WNT9B: variants seen among roughly 807,000 people sequenced by gnomAD.
WNT9B encodes the protein protein Wnt-9b.
In WNT9B, 12 loss-of-function variants were observed where a neutral mutation model predicts 30.2. The observed-to-expected ratio is 0.40, with a 90% confidence interval of 0.26 to 0.64. The LOEUF (loss-of-function observed/expected upper bound fraction) is 0.64, where lower values mean the gene tolerates loss of function less well. Among genes scored for constraint, WNT9B ranks in the 30% least tolerant of loss-of-function variants. WNT9B has a pLI of 0.42. For missense variants in WNT9B, 442 were observed against 485.2 expected, an observed-to-expected ratio of 0.91 and a Z score of 0.84; for synonymous variants, 218 against 216.9, an observed-to-expected ratio of 1.01 and a Z score of -0.05.
At position 46,876,761 on chromosome 17, in the gene WNT9B, T is replaced by C. The variant is rs1435336520; in HGVS notation, c.*43T>C. 3.3e-6 allele frequency: 5 copies of C among 1,498,784 alleles called. No homozygotes were observed. Among genetic ancestry groups the C allele is most frequent in the Admixed American group, 2.3e-5 (1 of 43,490 alleles). 92.8% of individuals were successfully genotyped at this position (1,498,784 alleles called of 1,614,324 possible). On this transcript the variant is annotated 3_prime_UTR_variant, in exon 4 of 4. Transcript: ENST00000290015. ...CCAGTCTGGCACTGCCAGGACCTCCTGTGGCACCCTTCAAGCTGCCCAGCC... is the reference window on the plus strand; with the variant it reads ...CCAGTCTGGCACTGCCAGGACCTCCCGTGGCACCCTTCAAGCTGCCCAGCC...
intron 1 of WNT9B, among the ~76,000 whole-genome samples, chr17:46,836,095 CGTGTGTGTGTGTGTGT>C (rs59862934): frequency 7.9e-6 from 1 of 126,434 alleles, no homozygotes; most frequent in Non-Finnish European, 1.6e-5. Flanking sequence ...GAGACGCTGA[CGTGTGTGTGTGTGTGT>C]GTGTGTGTGT....
intron 1 of WNT9B, among the ~76,000 whole-genome samples, chr17:46,863,352 A>G (rs964210293): frequency 3.3e-5 from 5 of 152,190 alleles, no homozygotes; most frequent in Admixed American, 2.0e-4. Flanking sequence ...GTGTCTGTAG[A>G]GCATCTGCTT....
chr17:46,847,219 C>T (rs1598832727), upstream of WNT9B, among the ~76,000 whole-genome samples: 3 of 152,204 alleles, frequency 2.0e-5, no homozygotes, highest in South Asian at 6.2e-4. Flanking sequence ...TGTGAGTTCC[C>T]TGGAGGGGAT....
chr17:46,858,114 G>C (rs773593369), intron 1 of WNT9B, among the ~76,000 whole-genome samples: 7 of 152,298 alleles, frequency 4.6e-5, no homozygotes, highest in East Asian at 1.9e-4. Context: ...ATTTGTAGTA[G>C]AGATAAGGTT....
At chr17:46,870,330 T>G (rs975198820) in intron 1 of WNT9B, among the ~76,000 whole-genome samples, 18 of 152,206 alleles carry the variant, frequency 1.2e-4, no homozygotes, top group African/African-American at 3.9e-4. Flanking sequence ...AGGCGTGGCC[T>G]CCTCAGCTGG....
upstream of WNT9B, among the ~76,000 whole-genome samples, chr17:46,847,874 G>A (rs550402649): frequency 7.2e-5 from 11 of 152,260 alleles, no homozygotes; most frequent in South Asian, 2.1e-4. Context: ...GGCAGGTGCC[G>A]GGAAGAGGAA....
In WNT9B at chr17:46,877,644, TCA is replaced by T. The variant is rs1474846826; in HGVS notation, c.*927_*928del. 6.6e-6 allele frequency among the ~76,000 whole-genome samples: 1 copy of T among 152,166 alleles called. No homozygotes were observed. The highest frequency in any genetic ancestry group is 1.5e-5 in the Non-Finnish European group (1 of 68,024). ...GGTGCCTGGCAGTGACGTGGCGAGC[TCA>T]GTTTCTCAGCTGGCTCTTGAGTGAG... On this transcript the variant is annotated 3_prime_UTR_variant, in exon 4 of 4. Coordinates refer to ENST00000290015, the MANE Select transcript of WNT9B (RefSeq NM_003396.3).
intron 1 of WNT9B, among the ~76,000 whole-genome samples, chr17:46,853,974 T>C (rs1205323468): frequency 6.6e-6 from 1 of 151,814 alleles, no homozygotes; most frequent in Non-Finnish European, 1.5e-5. Context: ...GAAAATGACA[T>C]GTGAGATGGT....
intron 1 of WNT9B, among the ~76,000 whole-genome samples, chr17:46,862,830 C>T (rs1020425457): frequency 3.3e-5 from 5 of 152,150 alleles, no homozygotes; most frequent in South Asian, 4.1e-4. Context: ...GTGATCCGCC[C>T]GCCTCGGCCT....
chr17:46,865,880 G>A (rs1292693937), intron 1 of WNT9B, among the ~76,000 whole-genome samples: 1 of 152,154 alleles, frequency 6.6e-6, no homozygotes, highest in African/African-American at 2.4e-5. Context: ...CCAAAGTGCT[G>A]GTACTACAGG....
chr17:46,865,739 G>A (rs901086852), intron 1 of WNT9B, among the ~76,000 whole-genome samples: 2 of 152,048 alleles, frequency 1.3e-5, no homozygotes, highest in Non-Finnish European at 2.9e-5. Flanking sequence ...GCCTGTAGCT[G>A]GAACCACAGG....
intron 1 of WNT9B, among the ~76,000 whole-genome samples, chr17:46,861,691 T>C (rs1404026865): frequency 6.6e-6 from 1 of 152,164 alleles, no homozygotes; most frequent in African/African-American, 2.4e-5. Context: ...ATTGGAGAGA[T>C]GAAGGCTGAA....
chr17:46,851,850 G>A lies in WNT9B; in HGVS notation c.77+135G>A, dbSNP rs1244858661. On this transcript the variant is annotated intron_variant, in intron 1 of 3. Coordinates refer to ENST00000290015, the MANE Select transcript of WNT9B (RefSeq NM_003396.3). The surrounding 1 kb of genome is among the most constrained non-coding windows in gnomAD (Gnocchi z 4.3). ...TCGAACTCAGACCCTAGCCCGGCGC[G>A]ACCCAACCCACTTCGCAGTCGGAGT... 4.8e-6 allele frequency: 2 copies of A among 413,280 alleles called. No individual in the cohort carries two copies. Among genetic ancestry groups the A allele is most frequent in the African/African-American group, 4.2e-5 (2 of 47,902 alleles). The allele number at this position is 413,280 out of a possible 1,614,324, so 25.6% of individuals were successfully genotyped here.
chr17:46,859,833 A>G (rs1170430770), intron 1 of WNT9B, among the ~76,000 whole-genome samples: 1 of 152,204 alleles, frequency 6.6e-6, no homozygotes, highest in Non-Finnish European at 1.5e-5. Flanking sequence ...CACAGGCCAT[A>G]TCTTTCTATT....
At chr17:46,864,000 A>G (rs2165846) in intron 1 of WNT9B, among the ~76,000 whole-genome samples, 77,435 of 152,056 alleles carry the variant, frequency 0.51, 21,075 homozygotes, top group East Asian at 0.88. Context: ...AGCATGGGAC[A>G]TCTCTGCCTA....
chr17:46,881,670 TCAATGC>T (rs1017344169), downstream of WNT9B, among the ~76,000 whole-genome samples: 9 of 152,140 alleles, frequency 5.9e-5, no homozygotes, highest in Non-Finnish European at 1.3e-4. Context: ...CTCCAGCTGC[TCAATGC>T]CACCATCTTC....
downstream of WNT9B, among the ~76,000 whole-genome samples, chr17:46,883,262 G>A (rs539960318): frequency 2.0e-5 from 3 of 150,988 alleles, no homozygotes; most frequent in Non-Finnish European, 2.9e-5. Context: ...GATTACAGGC[G>A]TGAGCTACTG....
intron 1 of WNT9B, among the ~76,000 whole-genome samples, chr17:46,856,143 G>A (rs1416110991): frequency 6.6e-6 from 1 of 152,238 alleles, no homozygotes; most frequent in African/African-American, 2.4e-5. Context: ...ATAGTACAGA[G>A]AAGTTTATGA....
At chr17:46,886,681 G>A (rs967920451) in exon 5 of WNT9B, 2 of 152,336 alleles carry the variant, frequency 1.3e-5, no homozygotes, top group African/African-American at 2.4e-5. Flanking sequence ...GCTGTGGTTC[G>A]GAGGGATGCC....
Sources: allele counts gnomAD v4.1 joint callset (sites outside exome capture counted in the v4.1 genomes callset), GRCh38; gene constraint gnomAD v4.1.1; non-coding constraint Gnocchi (gnomAD v3.1); transcripts MANE v1.5; gene names NCBI Gene and HGNC (gene_info 2026-07-23, HGNC 2026-07-21).